The following KPNA7 variants were observed in gnomAD, a reference collection of about 807,000 sequenced individuals.
KPNA7 encodes importin subunit alpha-8.
A neutral mutation model predicts 53.7 loss-of-function variants in KPNA7; 54 were observed. The observed-to-expected ratio is 1.01, with a 90% CI of 0.81 to 1.26. The LOEUF (loss-of-function observed/expected upper bound fraction) is 1.26, where lower values mean the gene tolerates loss of function less well. KPNA7 is among the 50% of genes most tolerant of loss of function. KPNA7 has a pLI of 0.00. For synonymous variants in KPNA7, 276 were observed against 259.3 expected (o/e 1.06, Z -0.62); for missense variants, 640 against 644.5 (o/e 0.99, Z 0.07).
At chr7:99,214,745 T>TAGGGGAGGGGAGGGGAGGGAGGGGAGGG (rs1563094244) in intron 1 of KPNA7, among the ~76,000 whole-genome samples, 1 of 430 alleles carries the variant, frequency 2.3e-3, no homozygotes, top group African/African-American at 0.013. Flanking sequence ...GGAGGGGAGG[T>TAGGGGAGGGGAGGGGAGGGAGGGGAGGG]AGGGGAGGGG....
At chr7:99,214,401 C>T (rs980717009) in intron 1 of KPNA7, among the ~76,000 whole-genome samples, 7 of 150,872 alleles carry the variant, frequency 4.6e-5, no homozygotes, top group African/African-American at 1.7e-4. Flanking sequence ...TGAGATCGCA[C>T]CACTGCACTC....
the KPNA7 span, among the ~76,000 whole-genome samples, chr7:99,164,477 G>A: frequency 1.3e-4 from 20 of 152,224 alleles, no homozygotes; most frequent in East Asian, 2.5e-3. Context: ...ATCACACTCC[G>A]GGGACTGTTG....
rs1019786118 is a variant in KPNA7, at chr7:99,194,664, C to T, written c.553+406G>A. ...TGTTGCCCACACTGGAGTACAGTGG[C>T]GTTATCTTGGTTCACTGCAACTTCC... On this transcript the variant is annotated intron_variant, in intron 5 of 10. Transcript: ENST00000327442. 3.9e-5 allele frequency among the ~76,000 whole-genome samples: 6 copies of T among 152,208 alleles called. No homozygotes were observed. In the South Asian group the frequency reaches 6.2e-4, roughly 16 times the overall value.
downstream of KPNA7, among the ~76,000 whole-genome samples, chr7:99,169,338 G>A (rs1798730085): frequency 6.6e-6 from 1 of 152,108 alleles, no homozygotes. Flanking sequence ...ACCTGACCTT[G>A]GCTGGGTACA....
At chr7:99,152,352 C>T in the KPNA7 span, among the ~76,000 whole-genome samples, 2 of 134,964 alleles carry the variant, frequency 1.5e-5, no homozygotes, top group Admixed American at 7.7e-5. Flanking sequence ...AGAGAGACTC[C>T]GTCTCAAAAA....
intron 3 of KPNA7, 69 bp from the exon 4 acceptor site, chr7:99,196,235 C>T: frequency 9.2e-7 from 1 of 1,085,940 alleles, no homozygotes; most frequent in African/African-American, 1.6e-5. Context: ...CTACTCTAGC[C>T]ATCATCCATC....
intron 2 of KPNA7, among the ~76,000 whole-genome samples, chr7:99,204,196 T>C (rs945755758): frequency 6.6e-6 from 1 of 151,872 alleles, no homozygotes; most frequent in African/African-American, 2.4e-5. Flanking sequence ...CTGGACAACA[T>C]AGCAAGACCC....
chr7:99,190,838 G>T (rs563311599), intron 6 of KPNA7, among the ~76,000 whole-genome samples: 5 of 151,712 alleles, frequency 3.3e-5, no homozygotes, highest in Non-Finnish European at 5.9e-5. Context: ...CAAAGCAAGC[G>T]GCCAGCCAGG....
intron 9 of KPNA7, among the ~76,000 whole-genome samples, chr7:99,180,689 CTG>C (rs199581774): frequency 0.35 from 27,037 of 76,472 alleles, 8,182 homozygotes; most frequent in East Asian, 0.57. Flanking sequence ...CTCTCCCCGT[CTG>C]TGTCTCTGTC....
At chr7:99,202,710 T>A (rs2150768069) in intron 3 of KPNA7, among the ~76,000 whole-genome samples, 1 of 152,072 alleles carries the variant, frequency 6.6e-6, no homozygotes, top group South Asian at 2.1e-4. Flanking sequence ...CCAGGCATGA[T>A]GGTGAGTGCC....
chr7:99,152,980 G>T, the KPNA7 span, among the ~76,000 whole-genome samples: 1 of 152,254 alleles, frequency 6.6e-6, no homozygotes, highest in East Asian at 1.9e-4. Flanking sequence ...AAAAATTAAG[G>T]TTTAAATGTT....
the KPNA7 span, among the ~76,000 whole-genome samples, chr7:99,156,800 C>T: frequency 6.6e-6 from 1 of 152,170 alleles, no homozygotes; most frequent in Admixed American, 6.6e-5. Context: ...GCTGGGATTA[C>T]AGGCATGAGC....
intron 3 of KPNA7, among the ~76,000 whole-genome samples, chr7:99,197,007 T>C (rs1237017659): frequency 1.3e-5 from 2 of 150,414 alleles, no homozygotes; most frequent in Non-Finnish European, 2.9e-5. Context: ...TATAGGGCTA[T>C]GCATATGCTT....
At chr7:99,181,390 T>C (rs1799266983) in intron 9 of KPNA7, among the ~76,000 whole-genome samples, 1 of 152,196 alleles carries the variant, frequency 6.6e-6, no homozygotes, top group South Asian at 2.1e-4. Context: ...AGCAGGGACT[T>C]TGCATTGTCA....
intron 3 of KPNA7, among the ~76,000 whole-genome samples, chr7:99,197,455 C>T (rs1790287028): frequency 6.6e-6 from 1 of 152,130 alleles, no homozygotes; most frequent in Non-Finnish European, 1.5e-5. Flanking sequence ...GAAAGTGTGA[C>T]ACACACATAT....
chr7:99,201,790 C>T (rs908210015), intron 3 of KPNA7, among the ~76,000 whole-genome samples: 2 of 151,970 alleles, frequency 1.3e-5, no homozygotes, highest in African/African-American at 2.4e-5. Context: ...CTTAGTGCCA[C>T]CTCTGCCTCC....
the KPNA7 span, among the ~76,000 whole-genome samples, chr7:99,150,423 C>CTTTTTTTTTTTTT: frequency 3.0e-5 from 4 of 132,442 alleles, no homozygotes; most frequent in African/African-American, 8.5e-5. Context: ...TCATTCTTCT[C>CTTTTTTTTTTTTT]TTTTTTTTGA....
intron 2 of KPNA7, among the ~76,000 whole-genome samples, chr7:99,205,125 G>T (rs1027789032): frequency 1.3e-5 from 2 of 151,914 alleles, no homozygotes. Flanking sequence ...GTTACTGTAA[G>T]AGTGATTTGG....
chr7:99,196,165 A>T lies in KPNA7; in HGVS notation c.203T>A (p.Val68Asp), dbSNP rs1348615054. ...PSEKTAKGVA[V>D]SLTLGEIIKG... is the part of the protein sequence containing the mutation. ...GATTATTTCACCCAGAGTGAGGCTG[A>T]CCTGCAAGAAGAGACACATTCAGGT... Residue 68 changes from valine to aspartate, a missense_variant and splice_region_variant, in exon 4 of 11, where the codon GTC (valine) becomes GAC (aspartate). Val to Asp is a radical substitution (Grantham distance 152). Coordinates refer to ENST00000327442, the MANE Select transcript of KPNA7 (RefSeq NM_001145715.3). The T allele has an allele frequency of 6.4e-7, 1 of 1,551,198 alleles. No individual in the cohort carries two copies. The highest frequency in any genetic ancestry group is 1.2e-5 in the South Asian group (1 of 84,040).
Sources: gnomAD v4.1 joint callset for allele counts (sites outside exome capture counted in the v4.1 genomes callset) on GRCh38, gnomAD v4.1.1 for gene constraint, MANE v1.5 for transcripts, NCBI Gene and HGNC (gene_info 2026-07-23, HGNC 2026-07-21) for gene names.